The following DIXDC1 variants were observed in gnomAD, a reference collection of about 807,000 sequenced individuals.
DIXDC1 encodes DIX domain containing 1.
In DIXDC1, 64 loss-of-function variants were observed where a neutral mutation model predicts 103.1. The ratio of observed to expected loss-of-function variants is 0.62; its 90% CI spans 0.51 to 0.76. The LOEUF is 0.76. DIXDC1 is among the 30% of genes least tolerant of loss of function. DIXDC1 has a pLI of 0.00. For missense variants in DIXDC1, 759 were observed against 834.2 expected, an observed-to-expected ratio of 0.91 and a Z score of 1.11; for synonymous variants, 266 against 298.5, an observed-to-expected ratio of 0.89 and a Z score of 1.12.
In DIXDC1 at chr11:111,999,981, C is replaced by G. The variant is rs587670846; in HGVS notation, c.1756+3835C>G. On this transcript the variant is annotated intron_variant, in intron 17 of 19. Coordinates refer to ENST00000440460, the MANE Select transcript of DIXDC1 (RefSeq NM_001037954.4). ...CGAAACCCTGTCTCTACTAAAAATA[C>G]AAAAATTAGCTGGGGGTGGTGGCAG... 4.1e-3 allele frequency among the ~76,000 whole-genome samples: 621 copies of G among 152,122 alleles called. 2 individuals carry two copies. The highest frequency in any genetic ancestry group is 0.014 in the African/African-American group (576 of 41,506).
At chr11:111,987,902 C>T (rs191800243) in intron 9 of DIXDC1, among the ~76,000 whole-genome samples, 1 of 152,210 alleles carries the variant, frequency 6.6e-6, no homozygotes, top group East Asian at 1.9e-4. Context: ...TCGTGGTCCG[C>T]CTGCCTTGGC....
chr11:111,972,884 C>T (rs1555172189), intron 3 of DIXDC1, among the ~76,000 whole-genome samples: 1 of 151,750 alleles, frequency 6.6e-6, no homozygotes, highest in African/African-American at 2.4e-5. Context: ...CATGGTGAAA[C>T]CCCATCTCTA....
intron 17 of DIXDC1, among the ~76,000 whole-genome samples, chr11:112,012,996 T>C (rs189038915): frequency 3.9e-5 from 6 of 152,328 alleles, no homozygotes; most frequent in Admixed American, 3.9e-4. Flanking sequence ...CAGCTTGGGC[T>C]GCCATTGCAA....
chr11:111,993,736 A>T lies in DIXDC1; in HGVS notation c.1433A>T (p.Asp478Val), dbSNP rs1157389558. 2.5e-6 allele frequency: 4 copies of T among 1,613,832 alleles called. No homozygotes were observed. The highest frequency in any genetic ancestry group is 3.4e-6 in the Non-Finnish European group (4 of 1,179,874). Residue 478 changes from aspartate (D) to valine (V), a missense_variant, in exon 14 of 20, where the codon GAT becomes GTT. Around this residue, in one of 3 missense-constraint regions of DIXDC1, gnomAD observed 657 missense variants for 727.5 expected, o/e 0.90. Coordinates refer to ENST00000440460, the MANE Select transcript of DIXDC1 (RefSeq NM_001037954.4). ...LLAHCMKREADEATNYNSHNS... is the reference protein window; with the variant it reads ...LLAHCMKREAVEATNYNSHNS... ...GCTCACTGTATGAAAAGAGAGGCAG[A>T]TGAGGTAACCTAGACCCCGTGTTCT...
chr11:111,987,383 G>A (rs1204440730), intron 9 of DIXDC1, among the ~76,000 whole-genome samples: 3 of 152,074 alleles, frequency 2.0e-5, no homozygotes, highest in Non-Finnish European at 4.4e-5. Context: ...ATGTCAGGAA[G>A]GTAATAACTT....
chr11:111,984,270 G>A (rs906735219), intron 7 of DIXDC1, among the ~76,000 whole-genome samples: 3 of 152,166 alleles, frequency 2.0e-5, no homozygotes, highest in Admixed American at 6.5e-5. Context: ...TATAGGCAAC[G>A]CATGGTGGGC....
chr11:111,934,719 AT>A (rs1555167979), upstream of DIXDC1, among the ~76,000 whole-genome samples: 1 of 152,170 alleles, frequency 6.6e-6, no homozygotes, highest in East Asian at 1.9e-4. Context: ...GCCAACTAAG[AT>A]AACTGTGGTG....
intron 17 of DIXDC1, among the ~76,000 whole-genome samples, chr11:111,997,930 C>G (rs782574641): frequency 4.6e-5 from 7 of 152,212 alleles, no homozygotes; most frequent in Admixed American, 2.6e-4. Flanking sequence ...ACTTATTTCT[C>G]TTACTCCTGT....
intron 5 of DIXDC1, chr11:111,975,511 A>G (rs1555172512): frequency 1.0e-6 from 1 of 991,554 alleles, no homozygotes; most frequent in Non-Finnish European, 1.2e-6. Flanking sequence ...TCTAGCTAAA[A>G]GTTGTGTGTA....
intron 1 of DIXDC1, among the ~76,000 whole-genome samples, chr11:111,956,334 C>T (rs587671637): frequency 1.3e-5 from 2 of 152,230 alleles, no homozygotes; most frequent in South Asian, 2.1e-4. Flanking sequence ...ACTGAATTTA[C>T]ACCTAGAACT....
At chr11:111,974,797 G>T in intron 4 of DIXDC1, 79 bp from the exon 5 acceptor site, 1 of 1,561,284 alleles carries the variant, frequency 6.4e-7, no homozygotes, top group African/African-American at 1.4e-5. Flanking sequence ...CTCGCAGAGT[G>T]GCAGTCTCTC....
chr11:112,013,752 T>G (rs1161896999), intron 17 of DIXDC1, among the ~76,000 whole-genome samples: 3 of 152,208 alleles, frequency 2.0e-5, no homozygotes, highest in Non-Finnish European at 4.4e-5. Flanking sequence ...AGATTGTTTT[T>G]ATTGCCTCTT....
At chr11:111,970,535 G>A (rs1566504628) in intron 3 of DIXDC1, among the ~76,000 whole-genome samples, 1 of 152,040 alleles carries the variant, frequency 6.6e-6, no homozygotes, top group Non-Finnish European at 1.5e-5. Flanking sequence ...GGTGGTGCAT[G>A]CCTGTAGTCC....
At chr11:112,010,265 C>T (rs1329803379) in intron 17 of DIXDC1, among the ~76,000 whole-genome samples, 1 of 152,176 alleles carries the variant, frequency 6.6e-6, no homozygotes, top group Non-Finnish European at 1.5e-5. Context: ...AGGACCTCTT[C>T]ATGGAGAACT....
rs1859746645 is a variant in DIXDC1 at position 111,966,541 on chromosome 11, C to T, written c.190+1863C>T. On this transcript the variant is annotated intron_variant, in intron 2 of 19. Coordinates refer to ENST00000440460, the MANE Select transcript of DIXDC1 (RefSeq NM_001037954.4). ...GCCTCAGCCTCCTGAGTAGCTGGGACTACAGGCGCCCGCCACCGCGCCCGG... is the reference window on the plus strand; with the variant it reads ...GCCTCAGCCTCCTGAGTAGCTGGGATTACAGGCGCCCGCCACCGCGCCCGG... Among the ~76,000 whole-genome samples the T allele has an allele frequency of 2.6e-5, 4 of 151,630 alleles. No homozygotes were observed. The South Asian group carries it at 8.3e-4, about 31-fold the overall frequency.
At position 111,998,081 on chromosome 11, in the gene DIXDC1, G is replaced by A. The variant is rs1362718782; in HGVS notation, c.1756+1935G>A. ...TTGGGTCTCTGTTGACTTTCTTGTC[G>A]CCTAATCAAGTGGTTACTTTTTAAA... On this transcript the variant is annotated intron_variant, in intron 17 of 19. Transcript: ENST00000440460. This position sits in a 1 kb window ranked among gnomAD's most constrained non-coding sequence, Gnocchi z 4.1. 3.9e-5 allele frequency among the ~76,000 whole-genome samples: 6 copies of A among 152,048 alleles called. No individual in the cohort carries two copies. Among genetic ancestry groups the A allele is most frequent in the Admixed American group, 1.3e-4 (2 of 15,260 alleles).
At chr11:111,927,577 A>G (rs1965866473) in intron 1 of DIXDC1, among the ~76,000 whole-genome samples, 1 of 151,972 alleles carries the variant, frequency 6.6e-6, no homozygotes, top group Admixed American at 6.6e-5. Context: ...GAGCTTAGAG[A>G]GGAGGGGTAA....
At chr11:112,013,217 CGTAT>C (rs1465340180) in intron 17 of DIXDC1, among the ~76,000 whole-genome samples, 2 of 148,574 alleles carry the variant, frequency 1.3e-5, no homozygotes, top group East Asian at 4.0e-4. Context: ...GGGCTCCACC[CGTAT>C]GACCTCATTT....
chr11:111,931,936 C>G (rs1007649307), intron 2 of DIXDC1, among the ~76,000 whole-genome samples: 1 of 151,456 alleles, frequency 6.6e-6, no homozygotes, highest in Non-Finnish European at 1.5e-5. Context: ...TCAGTGCAGT[C>G]GTAGAGAAAC....
Sources: allele counts gnomAD v4.1 joint callset (sites outside exome capture counted in the v4.1 genomes callset), GRCh38; gene constraint gnomAD v4.1.1; regional missense constraint gnomAD v4.1.1; non-coding constraint Gnocchi (gnomAD v3.1); transcripts MANE v1.5; gene names NCBI Gene and HGNC (gene_info 2026-07-23, HGNC 2026-07-21).